PRKAR1B: variants seen among roughly 807,000 people sequenced by gnomAD.
PRKAR1B encodes the protein cAMP-dependent protein kinase type I-beta regulatory subunit.
PRKAR1B carries 22 observed loss-of-function variants against 46.5 expected under a neutral mutation model. That is an observed-to-expected ratio of 0.47 (90% CI 0.34 to 0.68). PRKAR1B has a LOEUF of 0.68. Ranked by LOEUF, PRKAR1B falls within the 30% of genes least tolerant of loss-of-function variation. The pLI is 0.01. For missense variants in PRKAR1B, 445 were observed against 535.6 expected, an observed-to-expected ratio of 0.83 and a Z score of 1.67; for synonymous variants, 259 against 217.7, an observed-to-expected ratio of 1.19 and a Z score of -1.67.
intron 5 of PRKAR1B, 81 bp downstream of exon 5, chr7:607,310 G>A: frequency 7.2e-7 from 1 of 1,384,436 alleles, no homozygotes; most frequent in African/African-American, 1.4e-5. Flanking sequence ...CATCGTGCCT[G>A]CCCTTATGCT....
intron 4 of PRKAR1B, among the ~76,000 whole-genome samples, chr7:648,626 C>A (rs966717224): frequency 2.6e-5 from 4 of 150,946 alleles, no homozygotes; most frequent in East Asian, 2.0e-4. Context: ...AACAAACAAA[C>A]AAAAAAATTA....
chr7:722,651 C>T (rs1249075705), intron 1 of PRKAR1B, among the ~76,000 whole-genome samples: 6 of 152,396 alleles, frequency 3.9e-5, no homozygotes, highest in South Asian at 4.1e-4. Flanking sequence ...GGATGACAGG[C>T]GTGAGCCACC....
rs189754963 is a variant in PRKAR1B, at chr7:694,051, G to A, written c.178-13325C>T. ...TGTAATCCCAGCACTTTGGGAGGCC[G>A]AGGTGGGCAGATCACGAGGTCAGGA... On this transcript the variant is annotated intron_variant, in intron 2 of 10. Transcript: ENST00000537384. Among the ~76,000 whole-genome samples the A allele has an allele frequency of 1.7e-4, 26 of 152,210 alleles. No homozygotes were observed. The East Asian group carries it at 3.7e-3, about 22-fold the overall frequency.
chr7:554,988 G>A (rs543406160), intron 9 of PRKAR1B, among the ~76,000 whole-genome samples: 55 of 152,326 alleles, frequency 3.6e-4, no homozygotes, highest in Middle Eastern at 3.4e-3. Flanking sequence ...CCTCATGGGG[G>A]CACAGAGGCT....
Position 714,174 on chromosome 7 carries a change from C to T in PRKAR1B, c.-22-2647G>A, listed in dbSNP as rs758763766. 9.7e-4 allele frequency among the ~76,000 whole-genome samples: 147 copies of T among 152,284 alleles called. No individual in the cohort carries two copies. Among genetic ancestry groups the T allele is most frequent in the Non-Finnish European group, 1.5e-3 (101 of 68,016 alleles). Reference sequence around the variant, plus strand: ...CCCAGGTGCCACCTAACCAAGGCGACGTCTCGCTTCGGGGGGCAGATGCTC... The same window carrying T: ...CCCAGGTGCCACCTAACCAAGGCGATGTCTCGCTTCGGGGGGCAGATGCTC... On this transcript the variant is annotated intron_variant, in intron 1 of 10. Transcript: ENST00000537384. This position sits in a 1 kb window ranked among gnomAD's most constrained non-coding sequence, Gnocchi z 4.3.
At chr7:689,601 C>T (rs910539509) in intron 2 of PRKAR1B, among the ~76,000 whole-genome samples, 1 of 151,856 alleles carries the variant, frequency 6.6e-6, no homozygotes, top group Non-Finnish European at 1.5e-5. Flanking sequence ...ACTTTGACTA[C>T]AACCATGCAA....
chr7:677,176 C>G (rs560063004), intron 4 of PRKAR1B, 53 bp downstream of exon 4: 3 of 1,563,614 alleles, frequency 1.9e-6, no homozygotes, highest in Non-Finnish European at 1.8e-6. Flanking sequence ...GCCCACCTCC[C>G]GGAGGCCGAG....
chr7:612,764 G>A (rs192517696), intron 4 of PRKAR1B, among the ~76,000 whole-genome samples: 4 of 152,282 alleles, frequency 2.6e-5, no homozygotes, highest in African/African-American at 7.2e-5. Flanking sequence ...AAGAAACAAC[G>A]GGATGACTAT....
At chr7:594,275 G>A (rs1226363657) in intron 7 of PRKAR1B, among the ~76,000 whole-genome samples, 1 of 152,172 alleles carries the variant, frequency 6.6e-6, no homozygotes, top group Non-Finnish European at 1.5e-5. Context: ...CTCGGGCATG[G>A]AGTGGAGGGA....
chr7:609,214 C>T (rs9690230), intron 4 of PRKAR1B, among the ~76,000 whole-genome samples: 9,027 of 152,250 alleles, frequency 0.059, 879 homozygotes, highest in African/African-American at 0.2. Flanking sequence ...CTGCAGGAGC[C>T]GCCCTGGCAC....
Position 727,248 on chromosome 7 carries a change from C to A in PRKAR1B, c.-61G>T, listed in dbSNP as rs1358007541. 3 of 1,347,800 alleles carry A rather than the reference C, an allele frequency of 2.2e-6. No individual in the cohort carries two copies. Among genetic ancestry groups the A allele is most frequent in the Non-Finnish European group, 2.8e-6 (3 of 1,053,008 alleles). 83.5% of individuals were successfully genotyped at this position (1,347,800 alleles called of 1,614,324 possible). A position where few individuals can be genotyped will look rare whatever the true frequency, so the allele number is the denominator to read the frequency against. On this transcript the variant is annotated 5_prime_UTR_variant, in exon 1 of 11. Coordinates refer to ENST00000537384, the MANE Select transcript of PRKAR1B (RefSeq NM_001164760.2). ...TGCGCGCGCTGCGCTGCTCCCTGCT[C>A]GACCCCTTCGCCGCCGTGCGCCGCG...
intron 9 of PRKAR1B, among the ~76,000 whole-genome samples, chr7:567,546 ATCATCACCATCACCT>A (rs568140309): frequency 0.081 from 12,148 of 150,456 alleles, 578 homozygotes; most frequent in Non-Finnish European, 0.11. Context: ...TATCACCATC[ATCATCACCATCACCT>A]TCATCACCAT....
intron 4 of PRKAR1B, among the ~76,000 whole-genome samples, chr7:671,194 A>G (rs1267692430): frequency 2.0e-5 from 3 of 151,660 alleles, no homozygotes. Context: ...CGTTGCCTTC[A>G]TCGAGCTCCG....
chr7:594,165 C>G (rs1372804244), intron 7 of PRKAR1B, among the ~76,000 whole-genome samples: 4 of 152,178 alleles, frequency 2.6e-5, no homozygotes, highest in Non-Finnish European at 5.9e-5. Context: ...GTGGCTCCCT[C>G]CTTAGGAATC....
intron 4 of PRKAR1B, among the ~76,000 whole-genome samples, chr7:662,181 A>G (rs1447837442): frequency 1.3e-5 from 1 of 79,186 alleles, no homozygotes; most frequent in Non-Finnish European, 2.4e-5. Flanking sequence ...AGATCCAAAT[A>G]CCTACTCTCC....
chr7:674,359 A>C (rs961340539), intron 4 of PRKAR1B, among the ~76,000 whole-genome samples: 1 of 151,688 alleles, frequency 6.6e-6, no homozygotes, highest in Non-Finnish European at 1.5e-5. Context: ...TTCCAGCCAC[A>C]CCCAGCTACT....
intron 9 of PRKAR1B, among the ~76,000 whole-genome samples, chr7:572,524 G>A (rs543267056): frequency 2.0e-5 from 3 of 152,304 alleles, no homozygotes; most frequent in East Asian, 1.9e-4. Context: ...AGTTGCCCCC[G>A]AGGCCTGCAG....
In PRKAR1B at chr7:556,550, G is replaced by A. The variant is rs957169481; in HGVS notation, c.892-5080C>T. ...CTGCTTTTGGAATTTGTATTCTTAG[G>A]AGTCACTGCCAAGACGGCCGGCAGG... On this transcript the variant is annotated intron_variant, in intron 9 of 10. Transcript: ENST00000537384. 2.6e-5 allele frequency among the ~76,000 whole-genome samples: 4 copies of A among 152,308 alleles called. No individual in the cohort carries two copies. The South Asian group carries it at 8.3e-4, about 32-fold the overall frequency.
rs1562523258 is a variant in PRKAR1B, at chr7:566,185, T to TC, written c.891+13070_891+13071insG. 2.0e-3 allele frequency among the ~76,000 whole-genome samples: 305 copies of TC among 151,690 alleles called. 11 individuals are homozygous for TC. The highest frequency in any genetic ancestry group is 7.1e-3 in the African/African-American group (294 of 41,126). On this transcript the variant is annotated intron_variant, in intron 9 of 10. Transcript: ENST00000537384. ...ATCATCACTATCACCATCATCACCA[T>TC]AACCACAACCACCATGGCCATCTTC...
Sources: gnomAD v4.1 joint callset for allele counts (sites outside exome capture counted in the v4.1 genomes callset) on GRCh38, gnomAD v4.1.1 for gene constraint, Gnocchi (gnomAD v3.1) non-coding constraint, MANE v1.5 for transcripts, NCBI Gene and HGNC (gene_info 2026-07-23, HGNC 2026-07-21) for gene names.